The following SMTNL2 variants were observed in gnomAD, a reference collection of about 807,000 sequenced individuals.
The protein encoded by SMTNL2 is smoothelin like 2, also known as smoothelin-like protein 2.
Under a neutral mutation model 44.1 loss-of-function variants are expected in SMTNL2, and 43 were observed. That is an observed-to-expected ratio of 0.98 (90% CI 0.76 to 1.26). SMTNL2 has a LOEUF of 1.26. Among genes scored for constraint, SMTNL2 ranks in the 50% most tolerant of loss-of-function variants. SMTNL2 has a pLI of 0.00. For synonymous variants in SMTNL2, 317 were observed against 287.6 expected (o/e 1.10, Z -1.03); for missense variants, 646 against 670.2 (o/e 0.96, Z 0.40).
At position 4,596,955 on chromosome 17, in the gene SMTNL2, G is replaced by A. The variant is rs1406480079; in HGVS notation, c.1085G>A (p.Arg362His). 7.2e-6 allele frequency: 11 copies of A among 1,518,424 alleles called. No homozygotes were observed. Among genetic ancestry groups the A allele is most frequent in the Middle Eastern group, 1.9e-4 (1 of 5,224 alleles). 94.1% of individuals were successfully genotyped at this position (1,518,424 alleles called of 1,614,324 possible). A position where few individuals can be genotyped will look rare whatever the true frequency, so the allele number is the denominator to read the frequency against. ...AAGCAGATCCTGCTCGAGTGGTGCC[G>A]CAGCAAGACGCTGGGCTACCAGGTG... is the stretch of plus-strand genomic sequence containing the variant. ...SIKQILLEWC[R>H]SKTLGYQHVD... is the part of the protein sequence containing the mutation. The change falls in exon 6 of 8, where the codon CGC (arginine) becomes CAC (histidine). Residue 362 changes from arginine to histidine, a missense_variant. Coordinates refer to ENST00000389313, the MANE Select transcript of SMTNL2 (RefSeq NM_001114974.2).
intron 7 of SMTNL2, among the ~76,000 whole-genome samples, chr17:4,606,040 C>A (rs555911846): frequency 1.3e-5 from 2 of 152,272 alleles, no homozygotes; most frequent in African/African-American, 4.8e-5. Context: ...ACCAGTGAGC[C>A]AAAAGTGAAA....
Position 4,598,722 on chromosome 17 carries a change from G to A in SMTNL2, c.1259+1399G>A, listed in dbSNP as rs1567636613. On this transcript the variant is annotated intron_variant, in intron 7 of 7. Transcript: ENST00000389313. This position sits in a 1 kb window ranked among gnomAD's most constrained non-coding sequence, Gnocchi z 4.8. ...GCCTGGAGTCCCAGCTACTCAGGAG[G>A]CTGAGGCAGGAGAATTGTTAGAACC... Among the ~76,000 whole-genome samples, 1 of 152,178 alleles carries A rather than the reference G, an allele frequency of 6.6e-6. No individual in the cohort carries two copies. Among genetic ancestry groups the A allele is most frequent in the Non-Finnish European group, 1.5e-5 (1 of 68,018 alleles).
intron 7 of SMTNL2, among the ~76,000 whole-genome samples, chr17:4,603,606 G>A (rs1910132087): frequency 6.6e-6 from 1 of 152,038 alleles, no homozygotes; most frequent in Admixed American, 6.6e-5. Flanking sequence ...GGAGGTCCTA[G>A]AGTCCTCATG....
intron 1 of SMTNL2, among the ~76,000 whole-genome samples, 162 bp downstream of exon 1, chr17:4,585,166 G>A (rs907818200): frequency 6.6e-6 from 1 of 152,246 alleles, no homozygotes; most frequent in African/African-American, 2.4e-5. Context: ...CTCCGGAGTT[G>A]GAGAGGGCGG....
intron 1 of SMTNL2, among the ~76,000 whole-genome samples, chr17:4,587,535 TAG>T (rs1909391971): frequency 6.6e-6 from 1 of 152,092 alleles, no homozygotes; most frequent in African/African-American, 2.4e-5. Context: ...ACCATGGACA[TAG>T]AGTCACAGCC....
At chr17:4,601,865 T>C (rs1454482392) in intron 7 of SMTNL2, among the ~76,000 whole-genome samples, 2 of 151,958 alleles carry the variant, frequency 1.3e-5, no homozygotes, top group African/African-American at 4.8e-5. Context: ...ACAAAAGCAG[T>C]TGTTGTTTTT....
At chr17:4,603,871 G>GTC (rs1395961976) in intron 7 of SMTNL2, among the ~76,000 whole-genome samples, 1 of 151,670 alleles carries the variant, frequency 6.6e-6, no homozygotes, top group East Asian at 1.9e-4. Context: ...TTGAGATAGA[G>GTC]TCTCACTCTG....
chr17:4,603,577 C>T (rs1053499295), intron 7 of SMTNL2, among the ~76,000 whole-genome samples: 1 of 151,946 alleles, frequency 6.6e-6, no homozygotes, highest in African/African-American at 2.4e-5. Flanking sequence ...GTGCTTCTGA[C>T]GGGGGTGTTT....
At position 4,595,347 on chromosome 17, in the gene SMTNL2, G is replaced by A; in HGVS notation, c.989+20G>A. 1 of 1,608,150 alleles carries A rather than the reference G, an allele frequency of 6.2e-7. No homozygotes were observed. Among genetic ancestry groups the A allele is most frequent in the Middle Eastern group, 1.7e-4 (1 of 5,748 alleles). On this transcript the variant is annotated intron_variant, in intron 5 of 7. Coordinates refer to ENST00000389313, the MANE Select transcript of SMTNL2 (RefSeq NM_001114974.2). The surrounding 1 kb of genome is among the most constrained non-coding windows in gnomAD (Gnocchi z 5.1). ...CGGCAAGTACGGATGCCCACTCACAGACAGGCCCGGCCCCACGGTGTGCCC... is the reference window on the plus strand; with the variant it reads ...CGGCAAGTACGGATGCCCACTCACAAACAGGCCCGGCCCCACGGTGTGCCC...
At chr17:4,593,267 A>C (rs1909659792) in intron 3 of SMTNL2, 96 bp downstream of exon 3, 2 of 1,468,004 alleles carry the variant, frequency 1.4e-6, no homozygotes, top group Non-Finnish European at 1.8e-6. Context: ...GGTGACATGG[A>C]AAACGAGGGG....
At chr17:4,599,126 C>A (rs909526787) in intron 7 of SMTNL2, among the ~76,000 whole-genome samples, 9 of 152,222 alleles carry the variant, frequency 5.9e-5, no homozygotes, top group Non-Finnish European at 1.2e-4. Flanking sequence ...AGCTCCTTAG[C>A]CTGAGTTTTT....
Position 4,587,765 on chromosome 17 carries a change from C to G in SMTNL2, c.399+2761C>G. Among the ~76,000 whole-genome samples the G allele has an allele frequency of 1.3e-5, 2 of 152,176 alleles. 1 individual carries two copies. The highest frequency in any genetic ancestry group is 1.3e-4 in the Admixed American group (2 of 15,274). On this transcript the variant is annotated intron_variant, in intron 1 of 7. Transcript: ENST00000389313. The stretch of plus-strand genomic sequence containing the variant: ...CTGAAGGATTGGAGGTAGATTGTCT[C>G]CAATATATAAATGTCCCCTGAACTC...
At chr17:4,589,307 G>T (rs1909467926) in intron 1 of SMTNL2, among the ~76,000 whole-genome samples, 1 of 152,102 alleles carries the variant, frequency 6.6e-6, no homozygotes, top group Non-Finnish European at 1.5e-5. Flanking sequence ...TCCCCCCAGA[G>T]CCCCGCCTGG....
At chr17:4,601,673 A>C (rs367644906) in intron 7 of SMTNL2, among the ~76,000 whole-genome samples, 6,960 of 143,712 alleles carry the variant, frequency 0.048, 521 homozygotes, top group African/African-American at 0.16. Context: ...ACAGGCACAC[A>C]CCCCCACACT....
intron 7 of SMTNL2, among the ~76,000 whole-genome samples, chr17:4,601,562 C>T (rs1188351334): frequency 6.6e-6 from 1 of 152,180 alleles, no homozygotes; most frequent in Non-Finnish European, 1.5e-5. Flanking sequence ...CACACTTTGT[C>T]TCCCAGGCTG....
rs1422914345 is a variant in SMTNL2, at chr17:4,590,853, CCTT to C, written c.400-1504_400-1502del. Reference sequence around the variant, plus strand: ...AACACAGAGCCGAGGACCTTGGGCTCCTTCTTGTCTAAGGCGTCAAGTACCCAG... The same window carrying C: ...AACACAGAGCCGAGGACCTTGGGCTCCTTGTCTAAGGCGTCAAGTACCCAG... On this transcript the variant is annotated intron_variant, in intron 1 of 7. Transcript: ENST00000389313. 4.6e-5 allele frequency among the ~76,000 whole-genome samples: 7 copies of C among 152,200 alleles called. No individual in the cohort carries two copies. In the South Asian group the frequency reaches 1.4e-3, roughly 31 times the overall value.
chr17:4,606,017 C>T (rs1227388838), intron 7 of SMTNL2, among the ~76,000 whole-genome samples: 8 of 152,226 alleles, frequency 5.3e-5, no homozygotes, highest in Non-Finnish European at 1.2e-4. Flanking sequence ...CCACAGTGTA[C>T]ACACGAGTCT....
rs1359753065 is a variant in SMTNL2 at position 4,595,238 on chromosome 17, G to A, written c.900G>A (p.Leu300=). The A allele has an allele frequency of 1.9e-6, 3 of 1,613,244 alleles. No individual in the cohort carries two copies. The highest frequency in any genetic ancestry group is 1.7e-5 in the Admixed American group (1 of 60,018). ...VHRQGERRRE[L]VRSQTLPRTS... is the part of the protein sequence containing the mutation. Reference sequence around the variant, plus strand: ...GGCAGGGGGAGCGTCGCAGGGAGCTGGTGAGGTCGCAGACGCTGCCCCGCA... The same window carrying A: ...GGCAGGGGGAGCGTCGCAGGGAGCTAGTGAGGTCGCAGACGCTGCCCCGCA... The change falls in exon 5 of 8, where the codon CTG becomes CTA. Residue 300 remains leucine (L), a synonymous_variant. Coordinates refer to ENST00000389313, the MANE Select transcript of SMTNL2 (RefSeq NM_001114974.2). The surrounding 1 kb of genome is among the most constrained non-coding windows in gnomAD (Gnocchi z 5.1).
At position 4,591,678 on chromosome 17, in the gene SMTNL2, G is replaced by A. The variant is rs546154498; in HGVS notation, c.400-683G>A. ...TTTCTCAAACAGGGAAACAGACCCA[G>A]AGGGGAACTGATGTGGCCCAGGTCA... On this transcript the variant is annotated intron_variant, in intron 1 of 7. Transcript: ENST00000389313. 3.2e-4 allele frequency among the ~76,000 whole-genome samples: 49 copies of A among 152,348 alleles called. No individual in the cohort carries two copies. In the South Asian group the frequency reaches 9.3e-3, roughly 29 times the overall value.
Sources: gnomAD v4.1 joint callset for allele counts (sites outside exome capture counted in the v4.1 genomes callset) on GRCh38, gnomAD v4.1.1 for gene constraint, Gnocchi (gnomAD v3.1) non-coding constraint, MANE v1.5 for transcripts, NCBI Gene and HGNC (gene_info 2026-07-23, HGNC 2026-07-21) for gene names.